The following GLRA3 variants were observed in gnomAD, a reference collection of about 807,000 sequenced individuals.
GLRA3 encodes glycine receptor subunit alpha-3.
GLRA3 carries 44 observed loss-of-function variants against 60.4 expected under a neutral mutation model. The ratio of observed to expected loss-of-function variants is 0.73; its 90% CI spans 0.57 to 0.94. The LOEUF (loss-of-function observed/expected upper bound fraction) is 0.94. Among genes scored for constraint, GLRA3 ranks in the 40% least tolerant of loss-of-function variants. The pLI is 0.00. For missense variants in GLRA3, 508 were observed against 564.6 expected, an observed-to-expected ratio of 0.90 and a Z score of 1.02; for synonymous variants, 223 against 192.9, an observed-to-expected ratio of 1.16 and a Z score of -1.29.
intron 1 of GLRA3, among the ~76,000 whole-genome samples, chr4:174,817,541 A>G (rs1224046589): frequency 1.3e-5 from 2 of 152,212 alleles, no homozygotes; most frequent in Non-Finnish European, 2.9e-5. Context: ...TTGCCGTTCA[A>G]CAGCCCTCAC....
intron 3 of GLRA3, among the ~76,000 whole-genome samples, chr4:174,735,140 T>C (rs1056207024): frequency 2.0e-5 from 3 of 151,648 alleles, no homozygotes; most frequent in Admixed American, 1.3e-4. Flanking sequence ...TTCTCCTTTG[T>C]CTGCTAATTG....
intron 3 of GLRA3, 147 bp downstream of exon 3, chr4:174,766,816 G>T: frequency 3.9e-6 from 2 of 511,484 alleles, no homozygotes; most frequent in Non-Finnish European, 3.5e-6. Context: ...GTTATTACCT[G>T]CAGGTGACTG....
chr4:174,798,038 A>G (rs1199066507), intron 1 of GLRA3, among the ~76,000 whole-genome samples: 1 of 152,232 alleles, frequency 6.6e-6, no homozygotes, highest in East Asian at 1.9e-4. Flanking sequence ...GCCAATAAGT[A>G]TCTCTGCTAA....
At chr4:174,692,615 T>G (rs369995693) in intron 5 of GLRA3, among the ~76,000 whole-genome samples, 1 of 151,384 alleles carries the variant, frequency 6.6e-6, no homozygotes, top group African/African-American at 2.4e-5. Flanking sequence ...TTCTGCCTTG[T>G]GATCCTGTTG....
At chr4:174,704,927 T>C (rs945672535) in intron 5 of GLRA3, among the ~76,000 whole-genome samples, 1 of 142,988 alleles carries the variant, frequency 7.0e-6, no homozygotes, top group Non-Finnish European at 1.6e-5. Flanking sequence ...TGGTTCTCAG[T>C]GGCAAGAGGA....
chr4:174,796,589 T>G (rs904843865), intron 1 of GLRA3, among the ~76,000 whole-genome samples: 6 of 151,634 alleles, frequency 4.0e-5, no homozygotes, highest in African/African-American at 1.5e-4. Flanking sequence ...CAGGCTGGAG[T>G]GCAGAGGCGC....
At chr4:174,670,295 A>G (rs1034138307) in intron 7 of GLRA3, among the ~76,000 whole-genome samples, 3 of 152,172 alleles carry the variant, frequency 2.0e-5, no homozygotes, top group Non-Finnish European at 2.9e-5. Flanking sequence ...TTGTAATCAT[A>G]TAAGTTCCTA....
chr4:174,672,454 A>G (rs1374254395), intron 7 of GLRA3, among the ~76,000 whole-genome samples: 1 of 152,108 alleles, frequency 6.6e-6, no homozygotes, highest in East Asian at 1.9e-4. Context: ...CGGTTTGGCC[A>G]TGAGACTTGT....
intron 3 of GLRA3, among the ~76,000 whole-genome samples, chr4:174,761,847 A>G (rs1737952797): frequency 6.6e-6 from 1 of 152,070 alleles, no homozygotes; most frequent in East Asian, 1.9e-4. Flanking sequence ...ACTGTACTTC[A>G]CTCCTATAAT....
intron 1 of GLRA3, among the ~76,000 whole-genome samples, chr4:174,805,340 A>T (rs1205027863): frequency 6.6e-6 from 1 of 152,108 alleles, no homozygotes; most frequent in Non-Finnish European, 1.5e-5. Context: ...TTGATTGTGC[A>T]TGAATTTTGT....
At chr4:174,690,210 G>T (rs1432843949) in intron 5 of GLRA3, among the ~76,000 whole-genome samples, 2 of 152,144 alleles carry the variant, frequency 1.3e-5, no homozygotes, top group Non-Finnish European at 2.9e-5. Context: ...TTTTCTGTTA[G>T]AAGGGCCTAC....
At chr4:174,663,614 T>C (rs1300236787) in intron 7 of GLRA3, among the ~76,000 whole-genome samples, 1 of 152,190 alleles carries the variant, frequency 6.6e-6, no homozygotes, top group Non-Finnish European at 1.5e-5. Flanking sequence ...CCTCATCATC[T>C]CTTCGAACCC....
chr4:174,693,678 T>C (rs2111021405), intron 5 of GLRA3, among the ~76,000 whole-genome samples: 1 of 152,344 alleles, frequency 6.6e-6, no homozygotes, highest in South Asian at 2.1e-4. Context: ...TTTTTTCTAG[T>C]TCTGTGAAGA....
At chr4:174,694,842 C>T (rs1734988335) in intron 5 of GLRA3, among the ~76,000 whole-genome samples, 1 of 151,762 alleles carries the variant, frequency 6.6e-6, no homozygotes, top group Admixed American at 6.6e-5. Context: ...ACTAATAAAG[C>T]AGAAAAGAGA....
chr4:174,783,181 T>G lies in GLRA3; in HGVS notation c.199+5635A>C, dbSNP rs1239833450. Among the ~76,000 whole-genome samples, 9 of 151,808 alleles carry G rather than the reference T, an allele frequency of 5.9e-5. No homozygotes were observed. In the East Asian group the frequency reaches 1.6e-3, roughly 26 times the overall value. On this transcript the variant is annotated intron_variant, in intron 2 of 9. Coordinates refer to ENST00000274093, the MANE Select transcript of GLRA3 (RefSeq NM_006529.4). ...ATAACGCCGCGTATCTACAACTATCTGATCTTTGACAAACCTGAGAAAAAC... is the reference window on the plus strand; with the variant it reads ...ATAACGCCGCGTATCTACAACTATCGGATCTTTGACAAACCTGAGAAAAAC...
chr4:174,734,719 C>A (rs148549074), intron 3 of GLRA3, among the ~76,000 whole-genome samples: 1 of 152,286 alleles, frequency 6.6e-6, no homozygotes, highest in East Asian at 1.9e-4. Context: ...CTTCATATCT[C>A]ATTTAGTAAC....
chr4:174,640,507 TA>T lies in GLRA3; in HGVS notation c.*3278del, dbSNP rs1377530059. 1 of 152,046 alleles carries T rather than the reference TA, an allele frequency of 6.6e-6. No homozygotes were observed. Among genetic ancestry groups the T allele is most frequent in the Non-Finnish European group, 1.5e-5 (1 of 67,964 alleles). 9.4% of individuals were successfully genotyped at this position (152,046 alleles called of 1,614,324 possible). Reference sequence around the variant, plus strand: ...GAAAAGCATATTTTAAAAAGTGGAATAAAAAATGTTCAGAAAAAGGGATGTA... The same window carrying T: ...GAAAAGCATATTTTAAAAAGTGGAATAAAAATGTTCAGAAAAAGGGATGTA... On this transcript the variant is annotated 3_prime_UTR_variant, in exon 10 of 10. Coordinates refer to ENST00000274093, the MANE Select transcript of GLRA3 (RefSeq NM_006529.4).
At chr4:174,760,682 G>T (rs1216156812) in intron 3 of GLRA3, among the ~76,000 whole-genome samples, 1 of 152,052 alleles carries the variant, frequency 6.6e-6, no homozygotes, top group African/African-American at 2.4e-5. Context: ...CACCCTGCCG[G>T]CTAATTCTTG....
chr4:174,755,220 T>G (rs1272217887), intron 3 of GLRA3, among the ~76,000 whole-genome samples: 3 of 152,104 alleles, frequency 2.0e-5, no homozygotes, highest in Admixed American at 2.0e-4. Context: ...CCAGAATAAA[T>G]ACATGCTTAC....
Sources: gnomAD v4.1 joint callset for allele counts (sites outside exome capture counted in the v4.1 genomes callset) on GRCh38, gnomAD v4.1.1 for gene constraint, MANE v1.5 for transcripts, NCBI Gene and HGNC (gene_info 2026-07-23, HGNC 2026-07-21) for gene names.